The following IQCK variants were observed in gnomAD, a reference collection of about 807,000 sequenced individuals.
IQCK encodes the protein IQ domain-containing protein K.
In IQCK, 29 loss-of-function variants were observed where a neutral mutation model predicts 28.1. That is an observed-to-expected ratio of 1.03 (90% CI 0.77 to 1.41). IQCK has a LOEUF of 1.41. IQCK is among the 40% of genes most tolerant of loss of function. The pLI, the probability that IQCK is intolerant of heterozygous loss-of-function variation, is 0.00. For missense variants in IQCK, 359 were observed against 314.7 expected, an observed-to-expected ratio of 1.14 and a Z score of -1.07; for synonymous variants, 113 against 115.1, an observed-to-expected ratio of 0.98 and a Z score of 0.12.
intron 9 of IQCK, among the ~76,000 whole-genome samples, chr16:19,844,863 C>A (rs961460577): frequency 1.3e-5 from 2 of 152,172 alleles, no homozygotes; most frequent in African/African-American, 4.8e-5. Context: ...GATTGTAGCA[C>A]AGTGGCACAA....
chr16:19,828,536 C>A (rs891107175), downstream of IQCK, among the ~76,000 whole-genome samples: 4 of 151,906 alleles, frequency 2.6e-5, no homozygotes, highest in Admixed American at 2.0e-4. Flanking sequence ...CCGTGCCCAA[C>A]CTGATATGTT....
In IQCK at chr16:19,815,319, A is replaced by G. The variant is rs186541163; in HGVS notation, c.691-11707A>G. Among the ~76,000 whole-genome samples, 324 of 152,224 alleles carry G rather than the reference A, an allele frequency of 2.1e-3. 4 individuals are homozygous for G. The highest frequency in any genetic ancestry group is 0.014 in the South Asian group (66 of 4,820). On this transcript the variant is annotated intron_variant, in intron 7 of 7. Transcript: ENST00000564186. ...GTAGAATATCTGTAACACTTCCACA[A>G]TACCAGGGAATAGGTGATATCTACA...
chr16:19,733,902 G>A (rs561536239), intron 3 of IQCK, 75 bp downstream of exon 3: 35 of 1,463,618 alleles, frequency 2.4e-5, no homozygotes, highest in African/African-American at 2.1e-4. Context: ...GTATGGAGGC[G>A]GACAGATGGA....
intron 7 of IQCK, among the ~76,000 whole-genome samples, chr16:19,815,619 T>C (rs2055977635): frequency 1.3e-5 from 2 of 152,310 alleles, no homozygotes; most frequent in Admixed American, 6.5e-5. Context: ...TGCAGTGAGC[T>C]GCGATTGCAC....
chr16:19,750,186 G>C (rs572018352), intron 4 of IQCK, among the ~76,000 whole-genome samples: 9 of 152,106 alleles, frequency 5.9e-5, no homozygotes, highest in Non-Finnish European at 1.2e-4. Context: ...GAGTGCAGTG[G>C]CGTGATCCTG....
chr16:19,734,896 T>C (rs1342194767), intron 3 of IQCK, among the ~76,000 whole-genome samples: 2 of 152,264 alleles, frequency 1.3e-5, no homozygotes, highest in East Asian at 3.9e-4. Context: ...GGGCCCTCCC[T>C]GGTACCAGAC....
intron 4 of IQCK, among the ~76,000 whole-genome samples, chr16:19,747,689 A>G (rs2054930794): frequency 6.6e-6 from 1 of 151,994 alleles, no homozygotes; most frequent in African/African-American, 2.4e-5. Flanking sequence ...CACTCTATCC[A>G]TCTGTGTATA....
rs1473485372 is a variant in IQCK, at chr16:19,825,976, A to G, written c.691-1050A>G. On this transcript the variant is annotated intron_variant, in intron 7 of 7. Coordinates refer to ENST00000564186, the Ensembl canonical transcript of IQCK. This position sits in a 1 kb window ranked among gnomAD's most constrained non-coding sequence, Gnocchi z 4.2. ...AGTGCAAAAACACACAGTGTTGAAG[A>G]CTTAGCATGTAAAACAGAAAGTAAG... Among the ~76,000 whole-genome samples the G allele has an allele frequency of 6.6e-6, 1 of 152,212 alleles. No homozygotes were observed. The highest frequency in any genetic ancestry group is 2.4e-5 in the African/African-American group (1 of 41,452).
At chr16:19,857,787 A>T (rs2056581373) in exon 10 of IQCK, 1 of 154,742 alleles carries the variant, frequency 6.5e-6, no homozygotes, top group Admixed American at 6.6e-5. Flanking sequence ...CCAGCTTCCA[A>T]CAACCAGATC....
At chr16:19,810,750 G>C (rs1317387581) in intron 7 of IQCK, among the ~76,000 whole-genome samples, 1 of 150,880 alleles carries the variant, frequency 6.6e-6, no homozygotes. Flanking sequence ...AAGTTGTAGT[G>C]AGCCAAGATC....
At chr16:19,759,285 C>T (rs2055099715) in intron 4 of IQCK, among the ~76,000 whole-genome samples, 2 of 151,996 alleles carry the variant, frequency 1.3e-5, no homozygotes, top group South Asian at 2.1e-4. Flanking sequence ...GATAGCTCAC[C>T]GCAACCTCCG....
intron 4 of IQCK, among the ~76,000 whole-genome samples, chr16:19,760,753 CAA>C (rs2055126698): frequency 6.6e-6 from 1 of 152,090 alleles, no homozygotes; most frequent in Non-Finnish European, 1.5e-5. Context: ...AAATTCAGGG[CAA>C]GTCCGTAAAG....
chr16:19,718,324 A>G, exon 1 of IQCK: 2 of 1,608,520 alleles, frequency 1.2e-6, no homozygotes, highest in South Asian at 2.2e-5. Context: ...CACCGCGGCA[A>G]ATCCCCAGCC....
chr16:19,847,383 G>T (rs2056425882), intron 9 of IQCK, among the ~76,000 whole-genome samples: 1 of 152,212 alleles, frequency 6.6e-6, no homozygotes, highest in Admixed American at 6.5e-5. Context: ...CGGTCACAGT[G>T]CAGTGCTCCG....
At chr16:19,741,985 TCAAAAACAA>T (rs1010487355) in intron 4 of IQCK, among the ~76,000 whole-genome samples, 1 of 152,028 alleles carries the variant, frequency 6.6e-6, no homozygotes, top group East Asian at 1.9e-4. Flanking sequence ...AGACTGAGTC[TCAAAAACAA>T]CAAAAACAAC....
intron 6 of IQCK, among the ~76,000 whole-genome samples, chr16:19,767,802 C>G (rs557170005): frequency 7.6e-4 from 116 of 152,090 alleles, no homozygotes; most frequent in South Asian, 6.8e-3. Flanking sequence ...TCCCCTACCC[C>G]CTTCTTCCCT....
At chr16:19,737,611 G>A (rs765807798) in intron 4 of IQCK, among the ~76,000 whole-genome samples, 7 of 152,148 alleles carry the variant, frequency 4.6e-5, no homozygotes, top group South Asian at 2.1e-4. Context: ...CCTCTGGGCC[G>A]TGGTTCACCA....
chr16:19,783,112 C>T (rs1435333319), intron 6 of IQCK, among the ~76,000 whole-genome samples: 2 of 151,908 alleles, frequency 1.3e-5, no homozygotes, highest in African/African-American at 4.8e-5. Context: ...GATTCTCCTG[C>T]CTCAGCCTCC....
intron 1 of IQCK, among the ~76,000 whole-genome samples, chr16:19,727,614 T>G: frequency 7.0e-6 from 1 of 143,714 alleles, no homozygotes; most frequent in African/African-American, 2.5e-5. Flanking sequence ...AAAGATTTGG[T>G]TGGATCTATG....
Sources: allele counts gnomAD v4.1 joint callset (sites outside exome capture counted in the v4.1 genomes callset), GRCh38; gene constraint gnomAD v4.1.1; non-coding constraint Gnocchi (gnomAD v3.1); transcripts MANE v1.5; gene names NCBI Gene and HGNC (gene_info 2026-07-23, HGNC 2026-07-21).